The following REPS1 variants were observed in gnomAD, a reference collection of about 807,000 sequenced individuals.
REPS1 encodes ralBP1-associated Eps domain-containing protein 1.
Under a neutral mutation model 100.9 loss-of-function variants are expected in REPS1, and 39 were observed. The ratio of observed to expected loss-of-function variants is 0.39; its 90% CI spans 0.30 to 0.50. REPS1 has a LOEUF of 0.50. Among genes scored for constraint, REPS1 ranks in the 20% least tolerant of loss-of-function variants. The pLI is 0.86. For missense variants in REPS1, 821 were observed against 968.5 expected (o/e 0.85, Z 2.02); for synonymous variants, 324 against 340.3 (o/e 0.95, Z 0.53).
At chr6:138,968,169 C>G (rs985497674) in intron 1 of REPS1, among the ~76,000 whole-genome samples, 1 of 152,132 alleles carries the variant, frequency 6.6e-6, no homozygotes, top group Non-Finnish European at 1.5e-5. Context: ...AATCCTAAAT[C>G]AAATCATTGT....
In REPS1 at chr6:138,944,575, G is replaced by T. The variant is rs758410757; in HGVS notation, c.676C>A (p.Pro226Thr). 8.1e-6 allele frequency: 13 copies of T among 1,613,912 alleles called. No homozygotes were observed. The highest frequency in any genetic ancestry group is 1.1e-5 in the Non-Finnish European group (13 of 1,179,908). ...AVWSGHSPPP[P>T]QENWVSFADT... ...GCAAAACTGACCCAGTTTTCTTGAG[G>T]TGGAGGTGGGGAATGCCCTGACCAC... Residue 226 changes from proline (P) to threonine (T), a missense_variant, in exon 5 of 20, where the codon CCT (proline) becomes ACT (threonine). Pro to Thr is a conservative substitution (Grantham distance 38, BLOSUM62 -1). Around this residue, in one of 3 missense-constraint regions of REPS1, gnomAD observed 757 missense variants for 866.4 expected, o/e 0.87. Coordinates refer to ENST00000450536, the MANE Select transcript of REPS1 (RefSeq NM_001286611.2).
chr6:138,923,011 C>T (rs1780879664), intron 10 of REPS1, among the ~76,000 whole-genome samples: 1 of 152,120 alleles, frequency 6.6e-6, no homozygotes, highest in African/African-American at 2.4e-5. Flanking sequence ...TTTCTTGCCC[C>T]TACACCACAG....
Position 138,930,063 on chromosome 6 carries a change from C to T in REPS1, c.1171G>A (p.Gly391Ser). ...CTTGGAGGAGCTTCAGCAGGAGAGC[C>T]TGAATAACCTACCTCACCTGGCTGA... ...GDQPGEVGYS[G>S]SPAEAPPSKS... The change falls in exon 9 of 20, where the codon GGC becomes AGC. Residue 391 changes from glycine (G) to serine (S), a missense_variant. Physicochemically the swap from Gly to Ser is moderately conservative, Grantham distance 56. Coordinates refer to ENST00000450536, the MANE Select transcript of REPS1 (RefSeq NM_001286611.2). 1 of 1,613,366 alleles carries T rather than the reference C, an allele frequency of 6.2e-7. No individual in the cohort carries two copies. The highest frequency in any genetic ancestry group is 2.2e-5 in the East Asian group (1 of 44,868).
intron 2 of REPS1, 146 bp from the exon 3 acceptor site, chr6:138,945,843 G>T: frequency 4.9e-6 from 3 of 607,132 alleles, no homozygotes; most frequent in Non-Finnish European, 8.1e-6. Flanking sequence ...CACAAAATTT[G>T]GACCACCATC....
At chr6:138,929,006 T>G (rs1423326611) in intron 9 of REPS1, 1 of 152,202 alleles carries the variant, frequency 6.6e-6, no homozygotes, top group Non-Finnish European at 1.5e-5. Flanking sequence ...AGTTCTGTTT[T>G]CCAACTGTCC....
chr6:138,963,825 A>C (rs1488046896), intron 1 of REPS1, among the ~76,000 whole-genome samples: 2 of 152,202 alleles, frequency 1.3e-5, no homozygotes, highest in African/African-American at 4.8e-5. Context: ...TTCCTTACAA[A>C]AACAACTTCA....
At chr6:138,910,380 G>C (rs749984275) in intron 17 of REPS1, among the ~76,000 whole-genome samples, 47 of 152,068 alleles carry the variant, frequency 3.1e-4, no homozygotes, top group Non-Finnish European at 5.9e-4. Context: ...TTTGAGACAG[G>C]GTCTCACTCT....
chr6:138,983,748 G>A lies in REPS1; in HGVS notation c.153+3782C>T, dbSNP rs900794456. On this transcript the variant is annotated intron_variant, in intron 1 of 19. Coordinates refer to ENST00000450536, the MANE Select transcript of REPS1 (RefSeq NM_001286611.2). Reference sequence around the variant, plus strand: ...GTGCATGCCCAGTCTATGTGACACTGTCTCCCGTCCCTAAACACTTAGGTG... The same window carrying A: ...GTGCATGCCCAGTCTATGTGACACTATCTCCCGTCCCTAAACACTTAGGTG... Among the ~76,000 whole-genome samples, 5 of 152,130 alleles carry A rather than the reference G, an allele frequency of 3.3e-5. No homozygotes were observed. The South Asian group carries it at 1.0e-3, about 32-fold the overall frequency.
chr6:138,977,637 A>G (rs780518309), intron 1 of REPS1, among the ~76,000 whole-genome samples: 15 of 152,198 alleles, frequency 9.9e-5, no homozygotes, highest in Non-Finnish European at 1.9e-4. Flanking sequence ...CATTTTATGT[A>G]TTCAAACACC....
At chr6:138,920,933 T>A in intron 11 of REPS1, 104 bp downstream of exon 11, 2 of 774,514 alleles carry the variant, frequency 2.6e-6, no homozygotes, top group African/African-American at 3.5e-5. Context: ...TAGAAAGTAC[T>A]AGCTTAAAAA....
At chr6:138,965,068 G>C (rs1450722534) in intron 1 of REPS1, among the ~76,000 whole-genome samples, 1 of 152,022 alleles carries the variant, frequency 6.6e-6, no homozygotes, top group East Asian at 1.9e-4. Flanking sequence ...TGTGATTCCT[G>C]GTTCTTTAGC....
chr6:138,940,551 C>A (rs952025048), intron 8 of REPS1, among the ~76,000 whole-genome samples: 17 of 151,984 alleles, frequency 1.1e-4, no homozygotes, highest in Admixed American at 2.0e-4. Flanking sequence ...TAGAGACCAT[C>A]CTGGCCAACA....
At chr6:138,967,029 A>G (rs1784063790) in intron 1 of REPS1, among the ~76,000 whole-genome samples, 1 of 152,246 alleles carries the variant, frequency 6.6e-6, no homozygotes, top group African/African-American at 2.4e-5. Flanking sequence ...ATTAGGTCAC[A>G]AGGGCCCTGC....
At chr6:138,931,277 CTTTAAG>C (rs931956307) in intron 8 of REPS1, among the ~76,000 whole-genome samples, 16 of 152,148 alleles carry the variant, frequency 1.1e-4, no homozygotes, top group Admixed American at 1.0e-3. Flanking sequence ...TCAGTAAATC[CTTTAAG>C]TTTTAGTGCC....
At chr6:138,960,433 T>G (rs1783664743) in intron 1 of REPS1, among the ~76,000 whole-genome samples, 1 of 152,138 alleles carries the variant, frequency 6.6e-6, no homozygotes, top group Non-Finnish European at 1.5e-5. Flanking sequence ...AATAAATTCA[T>G]GTAAAACAAC....
rs1784968270 is a variant in REPS1 at position 138,981,775 on chromosome 6, T to C, written c.153+5755A>G. On this transcript the variant is annotated intron_variant, in intron 1 of 19. Transcript: ENST00000450536. ...TGTTCAGGGTTACAAAGTTAGCTGA[T>C]GCCAGAACTGGAACTTGCCTCCCAC... is the stretch of plus-strand genomic sequence containing the variant. Among the ~76,000 whole-genome samples, 4 of 152,222 alleles carry C rather than the reference T, an allele frequency of 2.6e-5. No homozygotes were observed. The South Asian group carries it at 8.3e-4, about 32-fold the overall frequency.
intron 1 of REPS1, among the ~76,000 whole-genome samples, chr6:138,960,424 A>G (rs565966145): frequency 1.3e-5 from 2 of 152,324 alleles, no homozygotes; most frequent in East Asian, 1.9e-4. Flanking sequence ...AAAAGTATCA[A>G]TAAATTCATG....
chr6:138,952,054 G>T (rs1476526290), intron 1 of REPS1, among the ~76,000 whole-genome samples: 1 of 152,118 alleles, frequency 6.6e-6, no homozygotes, highest in Non-Finnish European at 1.5e-5. Context: ...GCCAGTTAGT[G>T]ATTGTTGCTA....
intron 10 of REPS1, 62 bp downstream of exon 10, chr6:138,926,339 A>G: frequency 8.2e-7 from 1 of 1,218,972 alleles, no homozygotes; most frequent in South Asian, 1.3e-5. Flanking sequence ...AAAAACGATA[A>G]TGAATGGAAA....
Sources: allele counts gnomAD v4.1 joint callset (sites outside exome capture counted in the v4.1 genomes callset), GRCh38; gene constraint gnomAD v4.1.1; regional missense constraint gnomAD v4.1.1; transcripts MANE v1.5; gene names NCBI Gene and HGNC (gene_info 2026-07-23, HGNC 2026-07-21).